The following WWOX variants were observed in gnomAD, a reference collection of about 807,000 sequenced individuals.
WWOX encodes WW domain containing oxidoreductase, also known as WW domain-containing oxidoreductase.
In WWOX, 69 loss-of-function variants were observed where a neutral mutation model predicts 46.2. That is an observed-to-expected ratio of 1.49 (90% CI 1.23 to 1.82). WWOX has a LOEUF of 1.82. Among genes scored for constraint, WWOX ranks in the 40% most tolerant of loss-of-function variants. WWOX has a pLI of 0.00. For missense variants in WWOX, 919 were observed against 542.6 expected (o/e 1.69, Z -6.89); for synonymous variants, 359 against 202.6 (o/e 1.77, Z -6.56).
chr16:78,628,862 G>A (rs1036789477), intron 8 of WWOX, among the ~76,000 whole-genome samples: 6 of 152,196 alleles, frequency 3.9e-5, no homozygotes, highest in Admixed American at 3.9e-4. Flanking sequence ...AGAGGCCACT[G>A]TTGTGAATCT....
At chr16:78,456,333 A>C (rs899798829) in intron 8 of WWOX, among the ~76,000 whole-genome samples, 2 of 152,246 alleles carry the variant, frequency 1.3e-5, no homozygotes, top group African/African-American at 4.8e-5. Context: ...GAGAGGCAAG[A>C]GAAGAAAATA....
rs532906230 is a variant in WWOX, at chr16:78,491,118, C to T, written c.1056+58366C>T. Among the ~76,000 whole-genome samples, 4 of 152,260 alleles carry T rather than the reference C, an allele frequency of 2.6e-5. No individual in the cohort carries two copies. In the South Asian group the frequency reaches 8.3e-4, roughly 32 times the overall value. ...TCTCCCCGAGGCTGCCTGCCATGCTCGTGCTTTCTTGTCTATTGGCAAAAG... is the reference window on the plus strand; with the variant it reads ...TCTCCCCGAGGCTGCCTGCCATGCTTGTGCTTTCTTGTCTATTGGCAAAAG... On this transcript the variant is annotated intron_variant, in intron 8 of 8. Coordinates refer to ENST00000566780, the MANE Select transcript of WWOX (RefSeq NM_016373.4).
chr16:78,303,511 C>G (rs976239848), intron 5 of WWOX, among the ~76,000 whole-genome samples: 1 of 152,036 alleles, frequency 6.6e-6, no homozygotes, highest in Non-Finnish European at 1.5e-5. Context: ...CACCTGTGCT[C>G]TTTCGTTTTT....
chr16:78,394,115 A>T (rs1219815376), intron 6 of WWOX, among the ~76,000 whole-genome samples: 2 of 152,226 alleles, frequency 1.3e-5, no homozygotes, highest in Non-Finnish European at 2.9e-5. Context: ...ACCAACGTGT[A>T]AATTACATAT....
At chr16:78,785,863 C>T (rs909362565) in intron 8 of WWOX, among the ~76,000 whole-genome samples, 2 of 151,796 alleles carry the variant, frequency 1.3e-5, no homozygotes, top group African/African-American at 2.4e-5. Flanking sequence ...AATGTAGCAT[C>T]TGTAGAGCGA....
At chr16:78,385,879 T>C (rs952826925) in intron 5 of WWOX, among the ~76,000 whole-genome samples, 4 of 152,318 alleles carry the variant, frequency 2.6e-5, no homozygotes, top group African/African-American at 9.6e-5. Flanking sequence ...TAAGAAGTGA[T>C]AGTATTTAAT....
intron 5 of WWOX, chr16:78,278,577 A>G (rs2079619617): frequency 6.3e-7 from 1 of 1,598,366 alleles, no homozygotes; most frequent in Non-Finnish European, 8.6e-7. Context: ...AATTTTACAC[A>G]ACTGTCTTTT....
At chr16:78,979,389 G>A (rs539622504) in intron 8 of WWOX, among the ~76,000 whole-genome samples, 1 of 152,138 alleles carries the variant, frequency 6.6e-6, no homozygotes, top group East Asian at 1.9e-4. Context: ...AACATCAGCA[G>A]CAGCAACAAG....
chr16:78,446,943 G>A (rs1365607731), intron 8 of WWOX, among the ~76,000 whole-genome samples: 1 of 152,116 alleles, frequency 6.6e-6, no homozygotes, highest in African/African-American at 2.4e-5. Context: ...TGACAGGTGT[G>A]AGCCACTGCC....
chr16:78,716,994 G>T (rs142152212), intron 8 of WWOX, among the ~76,000 whole-genome samples: 3 of 152,126 alleles, frequency 2.0e-5, no homozygotes, highest in Non-Finnish European at 4.4e-5. Flanking sequence ...GTAAAATTAG[G>T]CTAATAACAC....
intron 8 of WWOX, among the ~76,000 whole-genome samples, chr16:79,149,688 CT>C (rs2050241719): frequency 6.6e-6 from 1 of 152,246 alleles, no homozygotes; most frequent in Non-Finnish European, 1.5e-5. Context: ...TTCATCTGTA[CT>C]TCTCTCAGCT....
At chr16:78,437,589 C>G (rs536796179) in intron 8 of WWOX, among the ~76,000 whole-genome samples, 3 of 152,258 alleles carry the variant, frequency 2.0e-5, no homozygotes, top group African/African-American at 7.2e-5. Flanking sequence ...TTCTTCAGAT[C>G]CAGAGAACTG....
intron 5 of WWOX, among the ~76,000 whole-genome samples, chr16:78,199,496 G>T (rs185063877): frequency 2.0e-5 from 3 of 152,268 alleles, no homozygotes; most frequent in Admixed American, 1.3e-4. Context: ...CTGCTCTGCG[G>T]ATCCGGCATC....
At chr16:78,136,329 T>C (rs1020115541) in intron 4 of WWOX, among the ~76,000 whole-genome samples, 10 of 152,208 alleles carry the variant, frequency 6.6e-5, no homozygotes, top group Non-Finnish European at 1.2e-4. Flanking sequence ...GGAAAAATAG[T>C]ATTTGCTTGT....
intron 8 of WWOX, among the ~76,000 whole-genome samples, chr16:78,540,097 C>A (rs932761091): frequency 2.0e-5 from 3 of 151,532 alleles, no homozygotes; most frequent in Admixed American, 6.6e-5. Flanking sequence ...TCTTTTTCCA[C>A]CCTCACACTT....
intron 8 of WWOX, among the ~76,000 whole-genome samples, chr16:79,131,700 AC>A (rs1227870005): frequency 4.0e-5 from 6 of 151,756 alleles, no homozygotes; most frequent in African/African-American, 1.5e-4. Context: ...CTTTTCAAAA[AC>A]AGGACATGGG....
chr16:79,022,429 G>C (rs536985361), intron 8 of WWOX, among the ~76,000 whole-genome samples: 1 of 150,700 alleles, frequency 6.6e-6, no homozygotes, highest in South Asian at 2.1e-4. Context: ...CCAGTCGCTA[G>C]TAAATAAAGC....
rs546167827 is a variant in WWOX at position 78,433,173 on chromosome 16, T to C, written c.1056+421T>C. ...GAATTTTCAGCAGATGTGATTCCTT[T>C]GTTTCACAGAAAAACTGTATCTTTT... is the stretch of plus-strand genomic sequence containing the variant. On this transcript the variant is annotated intron_variant, in intron 8 of 8. Transcript: ENST00000566780. 2.6e-5 allele frequency among the ~76,000 whole-genome samples: 4 copies of C among 152,348 alleles called. No individual in the cohort carries two copies. In the East Asian group the frequency reaches 7.7e-4, roughly 29 times the overall value.
chr16:78,563,752 A>G (rs2738521), intron 8 of WWOX, among the ~76,000 whole-genome samples: 28,090 of 151,972 alleles, frequency 0.18, 3,631 homozygotes, highest in African/African-American at 0.37. Context: ...GTCCACAGAT[A>G]CCAATAATTA....
Sources: allele counts gnomAD v4.1 joint callset (sites outside exome capture counted in the v4.1 genomes callset), GRCh38; gene constraint gnomAD v4.1.1; transcripts MANE v1.5; gene names NCBI Gene and HGNC (gene_info 2026-07-23, HGNC 2026-07-21).